The following KIF21B variants were observed in gnomAD, a reference collection of about 807,000 sequenced individuals.
KIF21B encodes the protein kinesin-like protein KIF21B.
In KIF21B, 85 loss-of-function variants were observed where a neutral mutation model predicts 192.9. The observed-to-expected ratio is 0.44, with a 90% confidence interval of 0.37 to 0.53. KIF21B has a LOEUF of 0.53. Ranked by LOEUF, KIF21B falls within the 20% of genes least tolerant of loss-of-function variation. The probability of loss-of-function intolerance (pLI) is 0.00; values close to 1 mark genes in which losing one functional copy is unlikely to be tolerated. For synonymous variants in KIF21B, 832 were observed against 884.6 expected (o/e 0.94, Z 1.05); for missense variants, 1,716 against 2,194.8 (o/e 0.78, Z 4.36).
chr1:200,973,777 G>GC (rs1311931546), intron 34 of KIF21B, 199 bp from the exon 35 acceptor site: 1 of 1,442,652 alleles, frequency 6.9e-7, no homozygotes, highest in Non-Finnish European at 9.0e-7. Flanking sequence ...GCACTCAGAG[G>GC]CCCCCAGGGG....
chr1:201,014,440 A>T (rs1045376966), intron 1 of KIF21B, among the ~76,000 whole-genome samples: 1 of 152,216 alleles, frequency 6.6e-6, no homozygotes, highest in Non-Finnish European at 1.5e-5. Context: ...GACAGAGGAG[A>T]CAGGGAGGAG....
chr1:200,973,513 CCTCA>C lies in KIF21B; in HGVS notation c.*4_*7del. The stretch of plus-strand genomic sequence containing the variant: ...CGAGGGTCCGGGGGCATCCCTCTGA[CCTCA>C]CTCCTAGGGTGGGCCGCTGTGGGGT... On this transcript the variant is annotated 3_prime_UTR_variant, in exon 35 of 35. Coordinates refer to ENST00000461742, the MANE Select transcript of KIF21B (RefSeq NM_001252102.2). The C allele has an allele frequency of 6.8e-7, 1 of 1,461,820 alleles. No individual in the cohort carries two copies. The highest frequency in any genetic ancestry group is 1.5e-5 in the African/African-American group (1 of 68,022). The allele number at this position is 1,461,820 out of a possible 1,614,324, so 90.6% of individuals were successfully genotyped here. A position where few individuals can be genotyped will look rare whatever the true frequency, so the allele number is the denominator to read the frequency against.
At chr1:200,994,684 G>A (rs1656937331) in intron 15 of KIF21B, among the ~76,000 whole-genome samples, 1 of 152,232 alleles carries the variant, frequency 6.6e-6, no homozygotes, top group Non-Finnish European at 1.5e-5. Context: ...TGAGATGTGA[G>A]CTGGCCAGGA....
intron 34 of KIF21B, chr1:200,974,236 G>A: frequency 6.6e-7 from 1 of 1,516,376 alleles, no homozygotes; most frequent in East Asian, 2.3e-5. Flanking sequence ...AGAGGTGGGA[G>A]GAGATGGGAA....
chr1:200,970,474 C>T lies in KIF21B; in HGVS notation c.*3047G>A, dbSNP rs1398542251. 2 of 152,500 alleles carry T rather than the reference C, an allele frequency of 1.3e-5. No individual in the cohort carries two copies. The highest frequency in any genetic ancestry group is 2.9e-5 in the Non-Finnish European group (2 of 68,084). The allele number at this position is 152,500 out of a possible 1,614,324, so 9.4% of individuals were successfully genotyped here. ...GCCAGGCTCCGCCTGTTAATCTTTC[C>T]TCCTTCCTTGGAAATCTCGCAAGGC... On this transcript the variant is annotated 3_prime_UTR_variant, in exon 35 of 35. Transcript: ENST00000461742.
chr1:201,002,835 A>C, intron 8 of KIF21B: 1 of 156,748 alleles, frequency 6.4e-6, no homozygotes, highest in Non-Finnish European at 1.4e-5. Context: ...TTTCTAGCAA[A>C]ACTGAAACTC....
intron 14 of KIF21B, among the ~76,000 whole-genome samples, chr1:200,997,482 T>C (rs6427869): frequency 0.59 from 89,286 of 152,100 alleles, 28,073 homozygotes; most frequent in African/African-American, 0.83. Flanking sequence ...CGGTGGCTCA[T>C]GCCTGTAATC....
intron 32 of KIF21B, 24 bp downstream of exon 32, chr1:200,976,752 A>C: frequency 2.0e-6 from 3 of 1,507,316 alleles, no homozygotes; most frequent in Non-Finnish European, 1.8e-6. Flanking sequence ...ACCAGCCCCG[A>C]CCCAGGCCTC....
chr1:201,001,860 G>A (rs1657517709), intron 9 of KIF21B: 1 of 431,466 alleles, frequency 2.3e-6, no homozygotes, highest in Admixed American at 3.6e-5. Context: ...ACACCAAGCT[G>A]CTCATAGAGG....
Position 200,990,468 on chromosome 1 carries a change from G to A in KIF21B, c.2835+108C>T. ...CTCTGGATTCCAGAGCAGGCAAAAG[G>A]AGCAGAGGGAAGTGGGGCAGGGAAA... On this transcript the variant is annotated intron_variant, in intron 19 of 34. Transcript: ENST00000461742. The surrounding 1 kb of genome is among the most constrained non-coding windows in gnomAD (Gnocchi z 5.4). The A allele has an allele frequency of 6.7e-7, 1 of 1,493,070 alleles. No individual in the cohort carries two copies. The allele number at this position is 1,493,070 out of a possible 1,614,324, so 92.5% of individuals were successfully genotyped here.
At position 200,970,996 on chromosome 1, in the gene KIF21B, G is replaced by C. The variant is rs866192221; in HGVS notation, c.*2525C>G. The C allele has an allele frequency of 6.5e-6, 1 of 152,846 alleles. No individual in the cohort carries two copies. Among genetic ancestry groups the C allele is most frequent in the Non-Finnish European group, 1.5e-5 (1 of 68,128 alleles). The allele number at this position is 152,846 out of a possible 1,614,324, so 9.5% of individuals were successfully genotyped here. ...ACACAGGCACCCCCAATCTCACTTT[G>C]GACAGAGCCAACGTGGGGGGATCCT... On this transcript the variant is annotated 3_prime_UTR_variant, in exon 35 of 35. Coordinates refer to ENST00000461742, the MANE Select transcript of KIF21B (RefSeq NM_001252102.2).
chr1:200,983,912 G>A (rs1260530642), intron 27 of KIF21B, among the ~76,000 whole-genome samples: 1 of 152,222 alleles, frequency 6.6e-6, no homozygotes, highest in Non-Finnish European at 1.5e-5. Flanking sequence ...TTTCTGTGGA[G>A]AGGTGGGGAG....
intron 8 of KIF21B, chr1:201,003,168 C>G: frequency 4.6e-6 from 1 of 215,628 alleles, no homozygotes; most frequent in Non-Finnish European, 9.4e-6. Flanking sequence ...ACTCTCTCCT[C>G]TGCCCCTCTG....
chr1:201,020,031 G>A (rs1431104177), intron 1 of KIF21B, among the ~76,000 whole-genome samples: 2 of 152,074 alleles, frequency 1.3e-5, no homozygotes, highest in Non-Finnish European at 2.9e-5. Context: ...GGGTCCCTTG[G>A]ATCCCCCCCA....
At position 200,973,211 on chromosome 1, in the gene KIF21B, C is replaced by G. The variant is rs1655312865; in HGVS notation, c.*310G>C. 1 of 318,188 alleles carries G rather than the reference C, an allele frequency of 3.1e-6. No homozygotes were observed. Among genetic ancestry groups the G allele is most frequent in the Non-Finnish European group, 5.7e-6 (1 of 176,476 alleles). 19.7% of individuals were successfully genotyped at this position (318,188 alleles called of 1,614,324 possible). ...CTGGGCCAAAGGCCTGAGAAAGGGG[C>G]AGAGCCGGTTCAGCAGGAGACAATG... On this transcript the variant is annotated 3_prime_UTR_variant, in exon 35 of 35. Coordinates refer to ENST00000461742, the MANE Select transcript of KIF21B (RefSeq NM_001252102.2).
chr1:200,979,618 G>A lies in KIF21B; in HGVS notation c.4077C>T (p.His1359=). The A allele has an allele frequency of 6.3e-7, 1 of 1,592,516 alleles. No individual in the cohort carries two copies. Among genetic ancestry groups the A allele is most frequent in the Non-Finnish European group, 8.5e-7 (1 of 1,169,846 alleles). ...TGGACACGGAGAACACAAGCCCCGA[G>A]TGGCTGCAGTACTTGATGGAGACCA... ...NNVVSIKYCS[H]SGLVFSVSTS... Residue 1359 remains histidine, a synonymous_variant, in exon 30 of 35, where the codon CAC becomes CAT. Transcript: ENST00000461742.
chr1:200,989,912 G>GC, intron 21 of KIF21B, 30 bp downstream of exon 21: 1 of 1,550,772 alleles, frequency 6.4e-7, no homozygotes, highest in Non-Finnish European at 8.9e-7. Flanking sequence ...TGCCCATAGA[G>GC]CCCCCTGCCC....
chr1:200,996,298 C>T lies in KIF21B; in HGVS notation c.2175G>A (p.Gln725=), dbSNP rs1558012706. The T allele has an allele frequency of 3.1e-6, 5 of 1,614,202 alleles. No homozygotes were observed. In the South Asian group the frequency reaches 4.4e-5, roughly 14 times the overall value. The change falls in exon 15 of 35, where the codon CAG becomes CAA. Residue 725 remains glutamine (Q), a synonymous_variant. Transcript: ENST00000461742. ...GCCGGGCGTGCTCTTTCTGGGCGGC[C>T]TGCAGCTTCTGCAGGTCCCGGTTCA... ...REMNRDLQKL[Q]AAQKEHARLL...
chr1:200,996,061 T>C lies in KIF21B; in HGVS notation c.2277+135A>G, dbSNP rs569762802. 7 of 936,800 alleles carry C rather than the reference T, an allele frequency of 7.5e-6. No individual in the cohort carries two copies. In the South Asian group the frequency reaches 1.0e-4, roughly 14 times the overall value. The allele number at this position is 936,800 out of a possible 1,614,324, so 58.0% of individuals were successfully genotyped here. On this transcript the variant is annotated intron_variant, in intron 15 of 34. Coordinates refer to ENST00000461742, the MANE Select transcript of KIF21B (RefSeq NM_001252102.2). ...GACCGTGTCAAGGGCCAAGACAGGG[T>C]CAAACTAGGTTAATGCTGTGTGTTG...
Sources: allele counts gnomAD v4.1 joint callset (sites outside exome capture counted in the v4.1 genomes callset), GRCh38; gene constraint gnomAD v4.1.1; non-coding constraint Gnocchi (gnomAD v3.1); transcripts MANE v1.5; gene names NCBI Gene and HGNC (gene_info 2026-07-23, HGNC 2026-07-21).